ZNF804A: variants seen among roughly 807,000 people sequenced by gnomAD.
ZNF804A encodes the protein zinc finger protein 804A.
In ZNF804A, 2 loss-of-function variants were observed where a neutral mutation model predicts 16.5. The observed-to-expected ratio is 0.12, with a 90% CI of 0.05 to 0.38. The LOEUF is 0.38. Ranked by LOEUF, ZNF804A falls within the 10% of genes least tolerant of loss-of-function variation. The pLI is 0.99. For synonymous variants in ZNF804A, 534 were observed against 489.6 expected (o/e 1.09, Z -1.20); for missense variants, 1,473 against 1,390.7 (o/e 1.06, Z -0.94).
rs1426385761 is a variant in ZNF804A, at chr2:184,936,281, G to T, written c.885G>T (p.Glu295Asp). The change falls in exon 4 of 4, where the codon GAG becomes GAT. Residue 295 changes from glutamate to aspartate, a missense_variant. Coordinates refer to ENST00000302277, the MANE Select transcript of ZNF804A (RefSeq NM_194250.2). Reference sequence around the variant, plus strand: ...ACAAAGAAACTGTTCAAACTCAAGAGATAAAAGAAGTCTCTAGTGAAAAAG... The same window carrying T: ...ACAAAGAAACTGTTCAAACTCAAGATATAAAAGAAGTCTCTAGTGAAAAAG... ...CRDKETVQTQEIKEVSSEKDA... is the reference protein window; with the variant it reads ...CRDKETVQTQDIKEVSSEKDA... The T allele has an allele frequency of 1.9e-6, 3 of 1,613,778 alleles. No homozygotes were observed. The highest frequency in any genetic ancestry group is 2.5e-6 in the Non-Finnish European group (3 of 1,179,940).
At chr2:184,626,581 A>T (rs547835270) in intron 1 of ZNF804A, among the ~76,000 whole-genome samples, 1 of 152,186 alleles carries the variant, frequency 6.6e-6, no homozygotes, top group Admixed American at 6.5e-5. Context: ...CAAGTAAATT[A>T]TTATGTTTAT....
Position 184,938,726 on chromosome 2 carries a change from TGCAGCTGCAGCTGCAGCCGCAGCTGCA to T in ZNF804A, c.3332_3358del (p.Ala1111_Ala1119del), listed in dbSNP as rs752338922. 3.3e-5 allele frequency: 53 copies of T among 1,606,226 alleles called. No homozygotes were observed. In the African/African-American group the frequency reaches 6.7e-4, roughly 20 times the overall value. ...TTTTGCAGCAGCACGCTGCAGCTGC[TGCAGCTGCAGCTGCAGCCGCAGCTGCA>T]GGAACCTTTAAAGTGCTTCAGCCAC... is the stretch of plus-strand genomic sequence containing the variant. On this transcript the variant is annotated inframe_deletion, in exon 4 of 4. Transcript: ENST00000302277.
chr2:184,910,312 C>A (rs539104311), intron 2 of ZNF804A, among the ~76,000 whole-genome samples: 3 of 152,006 alleles, frequency 2.0e-5, no homozygotes, highest in African/African-American at 2.4e-5. Context: ...TTTTGTTCTT[C>A]TTTATGGCTG....
chr2:184,697,746 A>G (rs1692855803), intron 1 of ZNF804A, among the ~76,000 whole-genome samples: 1 of 152,114 alleles, frequency 6.6e-6, no homozygotes, highest in Admixed American at 6.5e-5. Flanking sequence ...CACTTGTTGT[A>G]CTTCATAATA....
At chr2:184,901,953 A>T (rs535743098) in intron 2 of ZNF804A, among the ~76,000 whole-genome samples, 334 of 152,152 alleles carry the variant, frequency 2.2e-3, no homozygotes, top group Non-Finnish European at 3.3e-3. Flanking sequence ...TAACTTTTTT[A>T]AAATCTCCAA....
intron 2 of ZNF804A, among the ~76,000 whole-genome samples, chr2:184,923,439 C>G (rs1276121295): frequency 2.0e-5 from 3 of 151,624 alleles, no homozygotes; most frequent in African/African-American, 4.9e-5. Context: ...GCTCTAAAAG[C>G]TTTTTGGTGG....
intron 1 of ZNF804A, among the ~76,000 whole-genome samples, chr2:184,822,806 G>A (rs995660567): frequency 4.6e-5 from 7 of 152,016 alleles, no homozygotes; most frequent in Non-Finnish European, 1.0e-4. Flanking sequence ...TGTATACATT[G>A]TTGCTCAAAT....
At chr2:184,875,804 A>G (rs1696046139) in intron 2 of ZNF804A, among the ~76,000 whole-genome samples, 1 of 151,458 alleles carries the variant, frequency 6.6e-6, no homozygotes, top group Non-Finnish European at 1.5e-5. Context: ...AGAATCAGGT[A>G]AAGAGAAAAA....
At chr2:184,931,878 T>C (rs1466378012) in intron 2 of ZNF804A, among the ~76,000 whole-genome samples, 1 of 152,198 alleles carries the variant, frequency 6.6e-6, no homozygotes, top group East Asian at 1.9e-4. Flanking sequence ...CCAAATGCTT[T>C]CAACAGCCCC....
intron 1 of ZNF804A, among the ~76,000 whole-genome samples, chr2:184,779,449 C>T (rs144947136): frequency 2.0e-5 from 3 of 151,730 alleles, no homozygotes; most frequent in Non-Finnish European, 2.9e-5. Context: ...ATCCCCAGAA[C>T]CTGTGAATAT....
chr2:184,925,869 C>T (rs1485239448), intron 2 of ZNF804A, among the ~76,000 whole-genome samples: 1 of 151,842 alleles, frequency 6.6e-6, no homozygotes, highest in African/African-American at 2.4e-5. Context: ...TGTTCCCCTC[C>T]TATTTTATTT....
intron 1 of ZNF804A, among the ~76,000 whole-genome samples, chr2:184,794,084 C>T (rs12693392): frequency 0.14 from 21,980 of 152,002 alleles, 1,723 homozygotes; most frequent in Middle Eastern, 0.24. Flanking sequence ...TGGGTAGATA[C>T]CCAGTAGTGG....
At chr2:184,614,307 A>C (rs1330653401) in intron 1 of ZNF804A, among the ~76,000 whole-genome samples, 1 of 152,194 alleles carries the variant, frequency 6.6e-6, no homozygotes, top group Non-Finnish European at 1.5e-5. Context: ...AGATTTAAAC[A>C]TAAGACCTAA....
rs146538038 is a variant in ZNF804A at position 184,793,640 on chromosome 2, G to A, written c.112-72729G>A. ...GGTTACATGAGTAAGTTCTTTAATG[G>A]CAATTTATAAGATTTTGGTGCACTC... On this transcript the variant is annotated intron_variant, in intron 1 of 3. Transcript: ENST00000302277. Among the ~76,000 whole-genome samples the A allele has an allele frequency of 7.2e-5, 11 of 152,080 alleles. No individual in the cohort carries two copies. In the East Asian group the frequency reaches 2.1e-3, roughly 29 times the overall value.
intron 1 of ZNF804A, among the ~76,000 whole-genome samples, chr2:184,809,410 AG>A (rs1230349560): frequency 6.6e-6 from 1 of 151,918 alleles, no homozygotes; most frequent in Non-Finnish European, 1.5e-5. Flanking sequence ...ACAGGACAAA[AG>A]AAAAGTATTC....
intron 2 of ZNF804A, among the ~76,000 whole-genome samples, chr2:184,930,793 T>G (rs1685685656): frequency 6.6e-6 from 1 of 152,248 alleles, no homozygotes; most frequent in Non-Finnish European, 1.5e-5. Context: ...AAGTTCCTGG[T>G]ACACATAAGT....
At position 184,938,730 on chromosome 2, in the gene ZNF804A, G is replaced by GTT; in HGVS notation, c.3334_3335insTT (p.Ala1112ValfsTer38). On this transcript the variant is annotated frameshift_variant, in exon 4 of 4. Transcript: ENST00000302277. LOFTEE classifies it low-confidence loss of function (END_TRUNC). Reference sequence around the variant, plus strand: ...GCAGCAGCACGCTGCAGCTGCTGCAGCTGCAGCTGCAGCCGCAGCTGCAGG... The same window carrying GTT: ...GCAGCAGCACGCTGCAGCTGCTGCAGTTCTGCAGCTGCAGCCGCAGCTGCAGG... 6.2e-7 allele frequency: 1 copy of GTT among 1,607,642 alleles called. No individual in the cohort carries two copies. Among genetic ancestry groups the GTT allele is most frequent in the Admixed American group, 1.7e-5 (1 of 59,578 alleles).
chr2:184,781,440 A>C (rs1202769803), intron 1 of ZNF804A, among the ~76,000 whole-genome samples: 1 of 151,846 alleles, frequency 6.6e-6, no homozygotes, highest in African/African-American at 2.4e-5. Context: ...AATCTTTAAA[A>C]ATAAAACAAG....
intron 1 of ZNF804A, among the ~76,000 whole-genome samples, chr2:184,703,223 A>G (rs890735236): frequency 1.3e-5 from 2 of 152,212 alleles, no homozygotes; most frequent in African/African-American, 2.4e-5. Flanking sequence ...TCTCAGAATC[A>G]CAATCACTGT....
Sources: gnomAD v4.1 joint callset for allele counts (sites outside exome capture counted in the v4.1 genomes callset) on GRCh38, gnomAD v4.1.1 for gene constraint, MANE v1.5 for transcripts, NCBI Gene and HGNC (gene_info 2026-07-23, HGNC 2026-07-21) for gene names.